Variants in CFAP44 observed in about 807,000 individuals in gnomAD.
The protein encoded by CFAP44 is cilia- and flagella-associated protein 44.
A neutral mutation model predicts 216.2 loss-of-function variants in CFAP44; 134 were observed. The ratio of observed to expected loss-of-function variants is 0.62; its 90% CI spans 0.54 to 0.72. CFAP44 has a LOEUF of 0.72. CFAP44 is among the 30% of genes least tolerant of loss of function. The pLI is 0.00. For synonymous variants in CFAP44, 700 were observed against 727.6 expected, an observed-to-expected ratio of 0.96 and a Z score of 0.61; for missense variants, 2,035 against 2,182.1, an observed-to-expected ratio of 0.93 and a Z score of 1.34.
rs1281040934 is a variant in CFAP44 at position 113,416,519 on chromosome 3, A to G, written c.673+6T>C. On this transcript the variant is annotated splice_donor_region_variant and intron_variant, in intron 6 of 34. Transcript: ENST00000393845. The stretch of plus-strand genomic sequence containing the variant: ...ATGAAATATTTAAATATGCTTCTGG[A>G]CTCACCTCGAAGGACTCTGTATGGT... The G allele has an allele frequency of 7.6e-6, 12 of 1,580,268 alleles. No individual in the cohort carries two copies. The highest frequency in any genetic ancestry group is 1.0e-5 in the Non-Finnish European group (12 of 1,152,446).
intron 32 of CFAP44, among the ~76,000 whole-genome samples, chr3:113,301,001 T>C (rs1288044364): frequency 6.6e-6 from 1 of 152,146 alleles, no homozygotes; most frequent in Non-Finnish European, 1.5e-5. Context: ...CTTTTAGGTA[T>C]GAAACCCTTA....
intron 1 of CFAP44, among the ~76,000 whole-genome samples, chr3:113,435,857 A>ATGTG (rs1450399755): frequency 1.6e-5 from 2 of 122,552 alleles, no homozygotes; most frequent in African/African-American, 7.1e-5. Flanking sequence ...AAGTGTATGT[A>ATGTG]CGTGTGTGTG....
intron 32 of CFAP44, 165 bp from the exon 33 acceptor site, chr3:113,297,050 A>G (rs2107787396): frequency 1.2e-6 from 1 of 835,740 alleles, no homozygotes; most frequent in East Asian, 2.7e-5. Flanking sequence ...TTCCTCATTT[A>G]AAAATGCCCA....
In CFAP44 at chr3:113,291,593, A is replaced by T. The variant is rs900046355; in HGVS notation, c.5529T>A (p.Ser1843=). 3.1e-5 allele frequency: 47 copies of T among 1,537,136 alleles called. No homozygotes were observed. Among genetic ancestry groups the T allele is most frequent in the Middle Eastern group, 1.7e-4 (1 of 6,012 alleles). The change falls in exon 35 of 35, where the codon TCT becomes TCA. Residue 1843 remains serine, a synonymous_variant. Coordinates refer to ENST00000393845, the MANE Select transcript of CFAP44 (RefSeq NM_001164496.2). ...CGGGCTGTATCTCTTTCTCTCGTGG[A>T]GACTGAATGGGTGGGAGGATAAGAC... ...KGSLILPPIQ[S]PREKEIQPAD... is the part of the protein sequence containing the mutation.
chr3:113,420,239 A>G, intron 4 of CFAP44, 60 bp from the exon 5 acceptor site: 3 of 1,466,982 alleles, frequency 2.0e-6, no homozygotes, highest in South Asian at 3.0e-5. Context: ...GGATTGGAAA[A>G]GTGATGAAAT....
At chr3:113,338,220 G>A (rs1950297642) in intron 24 of CFAP44, among the ~76,000 whole-genome samples, 1 of 116,956 alleles carries the variant, frequency 8.6e-6, no homozygotes, top group Non-Finnish European at 1.6e-5. Context: ...TTGCACCACT[G>A]CATGCCAGCC....
intron 22 of CFAP44, among the ~76,000 whole-genome samples, chr3:113,345,165 T>G (rs1405179652): frequency 2.0e-5 from 3 of 149,274 alleles, no homozygotes; most frequent in African/African-American, 7.3e-5. Flanking sequence ...TTATAATAGA[T>G]ATATAGTTTG....
intron 22 of CFAP44, among the ~76,000 whole-genome samples, chr3:113,349,795 C>T (rs561525633): frequency 6.6e-6 from 1 of 152,302 alleles, no homozygotes; most frequent in South Asian, 2.1e-4. Flanking sequence ...TCCTCCTGGA[C>T]ACTGGTGCAG....
chr3:113,401,444 A>T, intron 10 of CFAP44, 140 bp downstream of exon 10: 1 of 1,226,926 alleles, frequency 8.2e-7, no homozygotes, highest in Non-Finnish European at 1.1e-6. Flanking sequence ...AACAACTTCT[A>T]TATTTTAGAC....
Position 113,333,488 on chromosome 3 carries a change from G to A in CFAP44, c.3533C>T (p.Thr1178Ile), listed in dbSNP as rs1950257257. 2 of 1,536,944 alleles carry A rather than the reference G, an allele frequency of 1.3e-6. No homozygotes were observed. Among genetic ancestry groups the A allele is most frequent in the South Asian group, 2.4e-5 (2 of 84,062 alleles). Residue 1178 changes from threonine to isoleucine, a missense_variant, in exon 25 of 35, where the codon ACA becomes ATA. Transcript: ENST00000393845. ...QVYMGDFNLKTAPDYKIPEHM... is the reference protein window; with the variant it reads ...QVYMGDFNLKIAPDYKIPEHM... The stretch of plus-strand genomic sequence containing the variant: ...CTCAGGTATCTTGTAGTCTGGGGCT[G>A]TCTTCAGATTGAAATCTCCCATATA...
intron 17 of CFAP44, among the ~76,000 whole-genome samples, chr3:113,376,320 A>G (rs915459100): frequency 6.6e-6 from 1 of 152,214 alleles, no homozygotes; most frequent in Non-Finnish European, 1.5e-5. Context: ...GGTGCCAAGG[A>G]GCATTGTCAA....
intron 18 of CFAP44, among the ~76,000 whole-genome samples, chr3:113,372,774 T>A (rs954796934): frequency 2.6e-5 from 4 of 151,906 alleles, no homozygotes; most frequent in Non-Finnish European, 5.9e-5. Context: ...GACAGAAGCA[T>A]AAGGGATGAC....
intron 30 of CFAP44, among the ~76,000 whole-genome samples, chr3:113,305,517 AG>A (rs1355884239): frequency 3.3e-5 from 5 of 152,242 alleles, no homozygotes; most frequent in Non-Finnish European, 7.3e-5. Flanking sequence ...AACAAATTAA[AG>A]AAAGTTTCAG....
At position 113,379,404 on chromosome 3, in the gene CFAP44, C is replaced by T; in HGVS notation, c.2200G>A (p.Glu734Lys). The T allele has an allele frequency of 6.2e-7, 1 of 1,606,750 alleles. No homozygotes were observed. Among genetic ancestry groups the T allele is most frequent in the Non-Finnish European group, 8.5e-7 (1 of 1,175,010 alleles). Residue 734 changes from glutamate to lysine, a missense_variant, in exon 17 of 35, where the codon GAG becomes AAG. Physicochemically the swap from Glu to Lys is moderately conservative, Grantham distance 56. Around this residue, in one of 3 missense-constraint regions of CFAP44, gnomAD observed 1,883 missense variants for 2,023.7 expected, o/e 0.93. Transcript: ENST00000393845. ...EEEEEKEEEE[E>K]EEEPLPEIFI... ...ATTTCAGGTAATGGCTCTTCTTCCT[C>T]CTCCTCCTCCTCTTTCTCCTCTTCC...
At chr3:113,310,562 T>C (rs1220724418) in intron 28 of CFAP44, among the ~76,000 whole-genome samples, 1 of 152,180 alleles carries the variant, frequency 6.6e-6, no homozygotes, top group Non-Finnish European at 1.5e-5. Flanking sequence ...TAATACAACA[T>C]GAAAGTTTTT....
intron 24 of CFAP44, among the ~76,000 whole-genome samples, chr3:113,335,328 G>C (rs1299901462): frequency 6.6e-6 from 1 of 152,212 alleles, no homozygotes; most frequent in African/African-American, 2.4e-5. Context: ...GTAGGATCAG[G>C]ATCCCAAATA....
chr3:113,421,576 G>A (rs913535662), intron 4 of CFAP44, among the ~76,000 whole-genome samples: 2 of 152,118 alleles, frequency 1.3e-5, no homozygotes, highest in African/African-American at 4.8e-5. Flanking sequence ...GCAAAGACAT[G>A]GAATCAACCT....
intron 15 of CFAP44, among the ~76,000 whole-genome samples, chr3:113,381,722 T>A (rs531355120): frequency 6.6e-6 from 1 of 152,376 alleles, no homozygotes; most frequent in South Asian, 2.1e-4. Flanking sequence ...ATTTGAAATG[T>A]TTATTCATTT....
chr3:113,350,402 C>T (rs1950432619), intron 22 of CFAP44, among the ~76,000 whole-genome samples: 1 of 151,620 alleles, frequency 6.6e-6, no homozygotes, highest in African/African-American at 2.4e-5. Context: ...GAGGAAGAGA[C>T]AGACAAAGAG....
Sources: gnomAD v4.1 joint callset for allele counts (sites outside exome capture counted in the v4.1 genomes callset) on GRCh38, gnomAD v4.1.1 for gene constraint, gnomAD v4.1.1 regional missense constraint, MANE v1.5 for transcripts, NCBI Gene and HGNC (gene_info 2026-07-23, HGNC 2026-07-21) for gene names.